FBXO11: variants seen among roughly 807,000 people sequenced by gnomAD.
The protein encoded by FBXO11 is F-box protein 11.
Under a neutral mutation model 117.0 loss-of-function variants are expected in FBXO11, and 13 were observed. That is an observed-to-expected ratio of 0.11 (90% confidence interval 0.07 to 0.18). The LOEUF (loss-of-function observed/expected upper bound fraction) is 0.18. Among genes scored for constraint, FBXO11 ranks in the 10% least tolerant of loss-of-function variants. FBXO11 has a pLI of 1.00. For missense variants in FBXO11, 767 were observed against 1,164.4 expected (o/e 0.66, Z 4.97); for synonymous variants, 490 against 380.5 (o/e 1.29, Z -3.35).
chr2:47,872,480 T>G (rs553813636), intron 1 of FBXO11, among the ~76,000 whole-genome samples: 17 of 152,232 alleles, frequency 1.1e-4, no homozygotes, highest in African/African-American at 3.9e-4. Context: ...TGCGCCACCA[T>G]GCCTGCCTAA....
chr2:47,829,636 A>G (rs894341793), intron 11 of FBXO11, among the ~76,000 whole-genome samples: 2 of 152,210 alleles, frequency 1.3e-5, no homozygotes, highest in African/African-American at 2.4e-5. Flanking sequence ...GTGAACATTA[A>G]GAGAAAATTT....
chr2:47,818,581 T>A (rs982220773), intron 16 of FBXO11, 198 bp downstream of exon 16: 2 of 515,132 alleles, frequency 3.9e-6, no homozygotes, highest in African/African-American at 2.0e-5. Context: ...TTATGGCACA[T>A]GTGCCAGTGG....
intron 11 of FBXO11, among the ~76,000 whole-genome samples, chr2:47,827,633 G>C (rs1392792946): frequency 6.6e-6 from 1 of 151,914 alleles, no homozygotes. Flanking sequence ...TTAATAGAAT[G>C]CAACTATTTT....
chr2:47,906,372 A>G lies in FBXO11; in HGVS notation c.-652T>C, dbSNP rs956161741. ...GAAGGGAGGAGATAGGGGGAAAAAG[A>G]GGCGTCGTCCTTCCTCCTCCTTAAA... On this transcript the variant is annotated 5_prime_UTR_variant, in exon 1 of 23. Transcript: ENST00000403359. Among the ~76,000 whole-genome samples, 9 of 152,200 alleles carry G rather than the reference A, an allele frequency of 5.9e-5. No homozygotes were observed. The South Asian group carries it at 1.9e-3, about 32-fold the overall frequency.
At chr2:47,868,622 T>C (rs1244473749) in intron 1 of FBXO11, among the ~76,000 whole-genome samples, 3 of 152,130 alleles carry the variant, frequency 2.0e-5, no homozygotes, top group African/African-American at 4.8e-5. Flanking sequence ...TCCCCAACCA[T>C]TGTTGTCATT....
At chr2:47,895,243 A>T (rs1301968154) in intron 1 of FBXO11, among the ~76,000 whole-genome samples, 1 of 152,218 alleles carries the variant, frequency 6.6e-6, no homozygotes, top group Non-Finnish European at 1.5e-5. Flanking sequence ...AAACACAAAA[A>T]CAATCCTATG....
intron 1 of FBXO11, among the ~76,000 whole-genome samples, chr2:47,875,375 A>T (rs1263422268): frequency 2.0e-5 from 3 of 152,102 alleles, no homozygotes; most frequent in Non-Finnish European, 2.9e-5. Flanking sequence ...ATGTCTCCTA[A>T]ATTTTTTTAT....
chr2:47,875,159 G>C (rs1012816782), intron 1 of FBXO11, among the ~76,000 whole-genome samples: 13 of 151,910 alleles, frequency 8.6e-5, no homozygotes, highest in African/African-American at 3.1e-4. Flanking sequence ...AGTCCAACAT[G>C]GCAGCCAGCC....
intron 1 of FBXO11, among the ~76,000 whole-genome samples, chr2:47,879,838 A>G (rs80155688): frequency 0.054 from 8,223 of 152,220 alleles, 235 homozygotes; most frequent in Non-Finnish European, 0.069. Flanking sequence ...GATATCTCAT[A>G]TAAGTGGGGT....
chr2:47,880,294 T>A lies in FBXO11; in HGVS notation c.232+25195A>T, dbSNP rs528317903. Among the ~76,000 whole-genome samples the A allele has an allele frequency of 5.3e-5, 8 of 152,340 alleles. 1 individual carries two copies. The highest frequency in any genetic ancestry group is 1.4e-4 in the African/African-American group (6 of 41,572). ...GAGTGTTTTAATGTAATAGAATTTA[T>A]CATTTATTTCATGACTTCTGGATTG... On this transcript the variant is annotated intron_variant, in intron 1 of 22. Transcript: ENST00000403359.
chr2:47,888,124 C>G (rs77322801), intron 1 of FBXO11, among the ~76,000 whole-genome samples: 23,294 of 152,146 alleles, frequency 0.15, 1,926 homozygotes, highest in Non-Finnish European at 0.18. Context: ...CCGCTCACTT[C>G]GCACTTACAC....
chr2:47,829,825 G>C (rs987656689), intron 11 of FBXO11, among the ~76,000 whole-genome samples: 2 of 152,018 alleles, frequency 1.3e-5, no homozygotes, highest in African/African-American at 4.8e-5. Context: ...AAACGTATGA[G>C]GTATACATTA....
At chr2:47,896,458 T>C (rs1403801264) in intron 1 of FBXO11, among the ~76,000 whole-genome samples, 1 of 152,016 alleles carries the variant, frequency 6.6e-6, no homozygotes, top group Non-Finnish European at 1.5e-5. Context: ...ACCTCCTGAG[T>C]AGCTGGGACT....
In FBXO11 at chr2:47,832,413, A is replaced by C; in HGVS notation, c.1334T>G (p.Ile445Ser). The C allele has an allele frequency of 6.2e-7, 1 of 1,613,652 alleles. No homozygotes were observed. The highest frequency in any genetic ancestry group is 8.5e-7 in the Non-Finnish European group (1 of 1,179,658). The part of the protein sequence containing the change: ...GIWVKNHGNP[I>S]IRRNHIHHGR... Reference sequence around the variant, plus strand: ...ATGATGAATATGATTCCGTCTAATAATTGGGTTTCCATGATTTTTAACCCA... The same window carrying C: ...ATGATGAATATGATTCCGTCTAATACTTGGGTTTCCATGATTTTTAACCCA... Residue 445 changes from isoleucine to serine, a missense_variant, in exon 11 of 23, where the codon ATT becomes AGT. Ile to Ser is a moderately radical substitution (Grantham distance 142). Transcript: ENST00000403359.
intron 11 of FBXO11, among the ~76,000 whole-genome samples, chr2:47,825,855 G>A (rs982647392): frequency 6.6e-6 from 1 of 151,998 alleles, no homozygotes; most frequent in Non-Finnish European, 1.5e-5. Flanking sequence ...GGGATTACAG[G>A]TGTGAGCCAC....
chr2:47,818,030 C>A (rs549576859), intron 16 of FBXO11, among the ~76,000 whole-genome samples: 2 of 152,242 alleles, frequency 1.3e-5, no homozygotes, highest in East Asian at 3.9e-4. Context: ...GCCTGTAATC[C>A]CAGCTACTTG....
At chr2:47,848,263 T>C (rs141714497) in intron 1 of FBXO11, among the ~76,000 whole-genome samples, 5,606 of 152,044 alleles carry the variant, frequency 0.037, 161 homozygotes, top group Non-Finnish European at 0.055. Flanking sequence ...AGGAGGTGAG[T>C]GGTAGGCGAC....
intron 1 of FBXO11, among the ~76,000 whole-genome samples, chr2:47,868,632 T>C (rs945799951): frequency 2.6e-5 from 4 of 152,190 alleles, no homozygotes; most frequent in East Asian, 1.9e-4. Context: ...TTGTTGTCAT[T>C]GCCCAGTAGG....
chr2:47,903,570 C>T (rs866727718), intron 1 of FBXO11, among the ~76,000 whole-genome samples: 3 of 152,198 alleles, frequency 2.0e-5, no homozygotes, highest in Non-Finnish European at 2.9e-5. Flanking sequence ...GACAAAATTA[C>T]ATCAACTAAG....
Sources: gnomAD v4.1 joint callset for allele counts (sites outside exome capture counted in the v4.1 genomes callset) on GRCh38, gnomAD v4.1.1 for gene constraint, MANE v1.5 for transcripts, NCBI Gene and HGNC (gene_info 2026-07-23, HGNC 2026-07-21) for gene names.